Variants in SESTD1 observed in about 807,000 individuals in gnomAD.
SESTD1 encodes the protein SEC14 domain and spectrin repeat-containing protein 1.
SESTD1 carries 43 observed loss-of-function variants against 101.7 expected under a neutral mutation model. The ratio of observed to expected loss-of-function variants is 0.42; its 90% CI spans 0.33 to 0.55. SESTD1 has a LOEUF of 0.55. Among genes scored for constraint, SESTD1 ranks in the 20% least tolerant of loss-of-function variants. SESTD1 has a pLI of 0.07. For synonymous variants in SESTD1, 283 were observed against 286.8 expected (o/e 0.99, Z 0.13); for missense variants, 647 against 815.1 (o/e 0.79, Z 2.51).
intron 10 of SESTD1, among the ~76,000 whole-genome samples, chr2:179,128,752 A>G (rs1900338): frequency 0.2 from 30,568 of 150,286 alleles, 3,332 homozygotes; most frequent in South Asian, 0.29. Flanking sequence ...GAAAAGAAAA[A>G]AAAAAAAACC....
chr2:179,193,448 T>C (rs959288029), intron 1 of SESTD1, among the ~76,000 whole-genome samples: 5 of 152,226 alleles, frequency 3.3e-5, no homozygotes, highest in African/African-American at 1.2e-4. Flanking sequence ...TAGCACTTCA[T>C]GATGAGTTGT....
chr2:179,123,683 C>T (rs1352885264), intron 12 of SESTD1, 32 bp downstream of exon 12: 1 of 1,387,912 alleles, frequency 7.2e-7, no homozygotes, highest in South Asian at 1.3e-5. Flanking sequence ...AAAAAAAAAC[C>T]TTATGTTTCA....
At chr2:179,141,865 T>C (rs978624350) in intron 9 of SESTD1, among the ~76,000 whole-genome samples, 1 of 151,868 alleles carries the variant, frequency 6.6e-6, no homozygotes, top group Non-Finnish European at 1.5e-5. Flanking sequence ...ACCCTTTAAC[T>C]TATGAATGAA....
In SESTD1 at chr2:179,207,502, C is replaced by T. The variant is rs1306322472; in HGVS notation, c.-25-15636G>A. Among the ~76,000 whole-genome samples the T allele has an allele frequency of 1.5e-5, 2 of 135,172 alleles. 1 individual carries two copies. Among genetic ancestry groups the T allele is most frequent in the Non-Finnish European group, 3.2e-5 (2 of 62,792 alleles). The allele number at this position is 135,172 out of a possible 152,430, so 88.7% of individuals were successfully genotyped here. A position where few individuals can be genotyped will look rare whatever the true frequency, so the allele number is the denominator to read the frequency against. On this transcript the variant is annotated intron_variant, in intron 1 of 17. Coordinates refer to ENST00000428443, the MANE Select transcript of SESTD1 (RefSeq NM_178123.5). ...CACCTTATTTACTCCCCTGCCACCT[C>T]CACCTGAGCAGGTGCTGATAACCAC...
intron 5 of SESTD1, among the ~76,000 whole-genome samples, chr2:179,152,964 G>A (rs916379311): frequency 3.3e-5 from 5 of 152,070 alleles, no homozygotes; most frequent in African/African-American, 4.8e-5. Flanking sequence ...CAAAAAAGCC[G>A]AAACTTATTT....
At chr2:179,180,327 T>C (rs1048918933) in intron 3 of SESTD1, among the ~76,000 whole-genome samples, 3 of 152,162 alleles carry the variant, frequency 2.0e-5, no homozygotes, top group East Asian at 3.8e-4. Context: ...AAGATAGTCA[T>C]TGCATGAAAA....
chr2:179,110,353 T>G (rs1395370508), intron 17 of SESTD1, among the ~76,000 whole-genome samples: 1 of 152,126 alleles, frequency 6.6e-6, no homozygotes, highest in East Asian at 1.9e-4. Context: ...AAACATAAAA[T>G]TTATACAGGT....
chr2:179,189,922 T>C (rs1465005675), intron 2 of SESTD1, among the ~76,000 whole-genome samples: 1 of 151,676 alleles, frequency 6.6e-6, no homozygotes. Flanking sequence ...ACAGAAGACA[T>C]AAAGTAATGG....
chr2:179,220,912 T>C (rs547753252), intron 1 of SESTD1, among the ~76,000 whole-genome samples: 69 of 152,296 alleles, frequency 4.5e-4, no homozygotes, highest in Non-Finnish European at 7.5e-4. Context: ...ATTCCAGATA[T>C]ATAAGATTTA....
rs988491877 is a variant in SESTD1 at position 179,108,829 on chromosome 2, A to G, written c.*1070T>C. On this transcript the variant is annotated 3_prime_UTR_variant, in exon 18 of 18. Transcript: ENST00000428443. ...ATTTCATGATAAATTTTATTTCTAA[A>G]GGGGTCATACAGTTCTGTTATTGGA... 5.3e-5 allele frequency: 8 copies of G among 152,102 alleles called. No homozygotes were observed. The highest frequency in any genetic ancestry group is 1.9e-4 in the African/African-American group (8 of 41,442). The allele number at this position is 152,102 out of a possible 1,614,324, so 9.4% of individuals were successfully genotyped here. A position where few individuals can be genotyped will look rare whatever the true frequency, so the allele number is the denominator to read the frequency against.
chr2:179,250,228 G>C (rs989843279), intron 1 of SESTD1, among the ~76,000 whole-genome samples: 1 of 151,774 alleles, frequency 6.6e-6, no homozygotes, highest in African/African-American at 2.4e-5. Context: ...GTCACAAACA[G>C]ACAACTCATC....
rs995046589 is a variant in SESTD1 at position 179,102,244 on chromosome 2, C to G, written c.*7655G>C. On this transcript the variant is annotated 3_prime_UTR_variant, in exon 18 of 18. Coordinates refer to ENST00000428443, the MANE Select transcript of SESTD1 (RefSeq NM_178123.5). Reference sequence around the variant, plus strand: ...GGTCACGGGAGAGGGAAGCAGAAGCCTCTGTCTTCTAAGACTCCAGGTTAT... The same window carrying G: ...GGTCACGGGAGAGGGAAGCAGAAGCGTCTGTCTTCTAAGACTCCAGGTTAT... 1 of 152,076 alleles carries G rather than the reference C, an allele frequency of 6.6e-6. No homozygotes were observed. The highest frequency in any genetic ancestry group is 6.6e-5 in the Admixed American group (1 of 15,236). The allele number at this position is 152,076 out of a possible 1,614,324, so 9.4% of individuals were successfully genotyped here. A position where few individuals can be genotyped will look rare whatever the true frequency, so the allele number is the denominator to read the frequency against.
intron 1 of SESTD1, among the ~76,000 whole-genome samples, chr2:179,263,259 C>G (rs1249226550): frequency 6.6e-6 from 1 of 152,024 alleles, no homozygotes; most frequent in Non-Finnish European, 1.5e-5. Flanking sequence ...CTGCTCAAAG[C>G]TAAAGGAATT....
At chr2:179,243,875 A>T (rs1274204034) in intron 1 of SESTD1, among the ~76,000 whole-genome samples, 1 of 151,850 alleles carries the variant, frequency 6.6e-6, no homozygotes, top group East Asian at 1.9e-4. Context: ...CCCATGTAAC[A>T]AACTACATAT....
chr2:179,130,157 C>T lies in SESTD1; in HGVS notation c.972+2147G>A, dbSNP rs1434128306. ...GAATGAAAAACTACTGTAGCTTAAC[C>T]ATATCTGTAAAATTTAGTAGCTTTC... On this transcript the variant is annotated intron_variant, in intron 10 of 17. Coordinates refer to ENST00000428443, the MANE Select transcript of SESTD1 (RefSeq NM_178123.5). Among the ~76,000 whole-genome samples, 2 of 152,056 alleles carry T rather than the reference C, an allele frequency of 1.3e-5. 1 individual carries two copies. Among genetic ancestry groups the T allele is most frequent in the Admixed American group, 1.3e-4 (2 of 15,268 alleles).
intron 4 of SESTD1, among the ~76,000 whole-genome samples, chr2:179,172,694 T>C (rs1261046701): frequency 1.3e-5 from 2 of 152,206 alleles, no homozygotes; most frequent in African/African-American, 4.8e-5. Context: ...AGATTTTACA[T>C]GATTATTAAC....
Position 179,172,253 on chromosome 2 carries a change from A to T in SESTD1, c.256-20T>A, listed in dbSNP as rs1354355197. The T allele has an allele frequency of 3.5e-6, 5 of 1,435,360 alleles. No homozygotes were observed. The Admixed American group carries it at 8.9e-5, about 25-fold the overall frequency. 88.9% of individuals were successfully genotyped at this position (1,435,360 alleles called of 1,614,324 possible). A position where few individuals can be genotyped will look rare whatever the true frequency, so the allele number is the denominator to read the frequency against. ...AACATTCTATAAAATACAGAAAAAT[A>T]ATTACAAATTACACATGTAAAATGA... is the stretch of plus-strand genomic sequence containing the variant. On this transcript the variant is annotated intron_variant, in intron 4 of 17. Transcript: ENST00000428443.
rs1221251255 is a variant in SESTD1 at position 179,103,493 on chromosome 2, T to C, written c.*6406A>G. On this transcript the variant is annotated 3_prime_UTR_variant, in exon 18 of 18. Coordinates refer to ENST00000428443, the MANE Select transcript of SESTD1 (RefSeq NM_178123.5). ...ACAAAGACTTACGTAAGAATGGTCA[T>C]AGCAGCTTTATTTATAATGGCCAAT... The C allele has an allele frequency of 1.3e-5, 2 of 152,100 alleles. No individual in the cohort carries two copies. The highest frequency in any genetic ancestry group is 6.6e-5 in the Admixed American group (1 of 15,246). The allele number at this position is 152,100 out of a possible 1,614,324, so 9.4% of individuals were successfully genotyped here.
intron 4 of SESTD1, 44 bp from the exon 5 acceptor site, chr2:179,172,277 G>A (rs769594142): frequency 9.6e-6 from 12 of 1,255,250 alleles, no homozygotes; most frequent in Non-Finnish European, 1.4e-5. Flanking sequence ...CATGTAAAAT[G>A]AATAATTTAC....
Sources: gnomAD v4.1 joint callset for allele counts (sites outside exome capture counted in the v4.1 genomes callset) on GRCh38, gnomAD v4.1.1 for gene constraint, MANE v1.5 for transcripts, NCBI Gene and HGNC (gene_info 2026-07-23, HGNC 2026-07-21) for gene names.